Variants in PCSK5 observed in about 807,000 individuals in gnomAD.
PCSK5 encodes the protein prohormone convertase 5.
PCSK5 carries 129 observed loss-of-function variants against 233.2 expected under a neutral mutation model. The observed-to-expected ratio is 0.55, with a 90% CI of 0.48 to 0.64. The LOEUF is 0.64. PCSK5 is among the 30% of genes least tolerant of loss of function. The pLI, the probability that PCSK5 is intolerant of heterozygous loss-of-function variation, is 0.00. For synonymous variants in PCSK5, 825 were observed against 879.2 expected (o/e 0.94, Z 1.09); for missense variants, 2,076 against 2,430.1 (o/e 0.85, Z 3.06).
At chr9:76,285,250 C>A (rs1828027824) in intron 24 of PCSK5, among the ~76,000 whole-genome samples, 1 of 152,084 alleles carries the variant, frequency 6.6e-6, no homozygotes, top group African/African-American at 2.4e-5. Context: ...GATGAGTAGA[C>A]CAGAGAAGGT....
chr9:76,244,563 GTT>G lies in PCSK5; in HGVS notation c.3142+3896_3142+3897del, dbSNP rs3077122. Among the ~76,000 whole-genome samples, 43 of 66,744 alleles carry G rather than the reference GTT, an allele frequency of 6.4e-4. No homozygotes were observed. In the South Asian group the frequency reaches 0.014, roughly 22 times the overall value. 43.8% of individuals were successfully genotyped at this position (66,744 alleles called of 152,430 possible). A position where few individuals can be genotyped will look rare whatever the true frequency, so the allele number is the denominator to read the frequency against. On this transcript the variant is annotated intron_variant, in intron 24 of 37. Transcript: ENST00000674117. ...ATAATTAGCTGTTGAAAATCCTGGG[GTT>G]TTTTTTTTTTTTTTTTAGCTTTGTA...
In PCSK5 at chr9:76,134,127, A is replaced by G. The variant is rs1238446623; in HGVS notation, c.1227A>G (p.Arg409=). ...TCCCCAGTCCGTTTCTGACCTGGAGAGACGTACAGCATGTTATTGTCAGGA... is the reference window on the plus strand; with the variant it reads ...TCCCCAGTCCGTTTCTGACCTGGAGGGACGTACAGCATGTTATTGTCAGGA... ...ALEANPFLTW[R]DVQHVIVRTS... is the part of the protein sequence containing the mutation. The change falls in exon 10 of 38, where the codon AGA becomes AGG. Residue 409 remains arginine (R), a synonymous_variant. Transcript: ENST00000674117. 6.2e-7 allele frequency: 1 copy of G among 1,600,828 alleles called. No homozygotes were observed. The highest frequency in any genetic ancestry group is 8.5e-7 in the Non-Finnish European group (1 of 1,173,286).
intron 20 of PCSK5, among the ~76,000 whole-genome samples, chr9:76,207,023 T>TC: frequency 6.6e-6 from 1 of 152,056 alleles, no homozygotes; most frequent in East Asian, 1.9e-4. Flanking sequence ...CATGACCCCT[T>TC]CCTCCATCTT....
At chr9:76,277,943 G>A (rs537379093) in intron 24 of PCSK5, among the ~76,000 whole-genome samples, 49 of 152,286 alleles carry the variant, frequency 3.2e-4, no homozygotes, top group East Asian at 1.2e-3. Context: ...TTTGTACAGC[G>A]TTGCTCAGTA....
intron 7 of PCSK5, among the ~76,000 whole-genome samples, chr9:76,090,959 C>T (rs116256957): frequency 0.02 from 2,496 of 125,290 alleles, 78 homozygotes; most frequent in African/African-American, 0.071. Context: ...CCCTCGCATG[C>T]GTAGGTCATA....
rs60451634 is a variant in PCSK5, at chr9:76,323,932, A to ATTTTTTTTTTTTTTTTTTTTTTTTTT, written c.4339+660_4339+661insTTTTTTTTTTTTTTTTTTTTTTTTTT. ...TGCCTCTTGTCTCCCTTCCTGGGTGATTTTTTTTTTTTTTTTGAGACAGAG... is the reference window on the plus strand; with the variant it reads ...TGCCTCTTGTCTCCCTTCCTGGGTGATTTTTTTTTTTTTTTTTTTTTTTTTTTTTTTTTTTTTTTTTTGAGACAGAG... On this transcript the variant is annotated intron_variant, in intron 32 of 37. Coordinates refer to ENST00000674117, the MANE Select transcript of PCSK5 (RefSeq NM_001372043.1). Among the ~76,000 whole-genome samples, 2 of 139,406 alleles carry ATTTTTTTTTTTTTTTTTTTTTTTTTT rather than the reference A, an allele frequency of 1.4e-5. 1 individual carries two copies. The allele number at this position is 139,406 out of a possible 152,430, so 91.5% of individuals were successfully genotyped here.
intron 30 of PCSK5, among the ~76,000 whole-genome samples, chr9:76,321,094 G>A (rs994291444): frequency 2.0e-5 from 3 of 147,384 alleles, no homozygotes; most frequent in East Asian, 1.9e-4. Context: ...GATTACAAGC[G>A]TGAGCCACCA....
rs763158004 is a variant in PCSK5, at chr9:76,358,840, G to A, written c.5582G>A (p.Arg1861Gln). ...ATGGGCCAGGATGGCACAGTCTACCGGAAATTTAAATATGGGCTGCTGGAT... is the reference window on the plus strand; with the variant it reads ...ATGGGCCAGGATGGCACAGTCTACCAGAAATTTAAATATGGGCTGCTGGAT... The part of the protein sequence containing the change: ...VYMGQDGTVY[R>Q]KFKYGLLDDD... Residue 1861 changes from arginine to glutamine, a missense_variant, in exon 38 of 38, where the codon CGG (arginine) becomes CAG (glutamine). Physicochemically the swap from Arg to Gln is conservative, Grantham distance 43 (BLOSUM62 1). This residue lies in a region of PCSK5 where 1,510 missense variants were observed against 1,538.1 expected (regional missense o/e 0.98). Transcript: ENST00000674117. The A allele has an allele frequency of 1.9e-5, 30 of 1,612,696 alleles. No homozygotes were observed. The highest frequency in any genetic ancestry group is 1.6e-4 in the Middle Eastern group (1 of 6,084).
chr9:76,253,835 A>C (rs2131348631), intron 24 of PCSK5, among the ~76,000 whole-genome samples: 1 of 152,310 alleles, frequency 6.6e-6, no homozygotes, highest in East Asian at 1.9e-4. Flanking sequence ...GTTTGGAGCA[A>C]CCTTGTGCAT....
chr9:76,016,988 G>T (rs1827974082), intron 3 of PCSK5, among the ~76,000 whole-genome samples: 1 of 152,068 alleles, frequency 6.6e-6, no homozygotes, highest in South Asian at 2.1e-4. Context: ...ATTATGTCTG[G>T]CACTCTTAAC....
At chr9:76,343,163 G>T (rs1587356380) in intron 35 of PCSK5, among the ~76,000 whole-genome samples, 1 of 92,018 alleles carries the variant, frequency 1.1e-5, no homozygotes, top group African/African-American at 4.0e-5. Context: ...CCTTAGGATA[G>T]AATTTTTTTT....
At chr9:76,317,002 G>T (rs1240546465) in intron 30 of PCSK5, among the ~76,000 whole-genome samples, 1 of 152,034 alleles carries the variant, frequency 6.6e-6, no homozygotes, top group African/African-American at 2.4e-5. Flanking sequence ...CTTTTATCTG[G>T]ATGCTATTTC....
Position 76,261,212 on chromosome 9 carries a change from G to A in PCSK5, c.3142+20528G>A, listed in dbSNP as rs140828359. On this transcript the variant is annotated intron_variant, in intron 24 of 37. Coordinates refer to ENST00000674117, the MANE Select transcript of PCSK5 (RefSeq NM_001372043.1). ...AGAAAGGCACATGACCCATGTAGTA[G>A]TTTGGCTGCAGATGCTAAACTTGAG... Among the ~76,000 whole-genome samples the A allele has an allele frequency of 1.2e-3, 181 of 152,312 alleles. 1 individual carries two copies. Among genetic ancestry groups the A allele is most frequent in the Middle Eastern group, 0.01 (3 of 294 alleles).
At chr9:75,964,456 C>A (rs991779509) in intron 2 of PCSK5, among the ~76,000 whole-genome samples, 1 of 152,084 alleles carries the variant, frequency 6.6e-6, no homozygotes, top group African/African-American at 2.4e-5. Context: ...TTTAACCACA[C>A]CTTGAGATAA....
chr9:76,293,276 G>A (rs1158083425), intron 25 of PCSK5, among the ~76,000 whole-genome samples: 3 of 152,206 alleles, frequency 2.0e-5, no homozygotes, highest in Non-Finnish European at 2.9e-5. Context: ...GGAGTGTGGA[G>A]GATGGGAGAG....
intron 7 of PCSK5, among the ~76,000 whole-genome samples, chr9:76,075,633 T>C (rs1452586133): frequency 6.6e-6 from 1 of 152,200 alleles, no homozygotes; most frequent in Non-Finnish European, 1.5e-5. Context: ...GAATAAAAAC[T>C]TAATACAATA....
intron 7 of PCSK5, among the ~76,000 whole-genome samples, chr9:76,087,303 AT>A (rs966180187): frequency 6.6e-6 from 1 of 152,236 alleles, no homozygotes; most frequent in African/African-American, 2.4e-5. Flanking sequence ...GATATGGTGG[AT>A]AAGTAACTCA....
chr9:75,959,998 C>T (rs1302497247), intron 2 of PCSK5, among the ~76,000 whole-genome samples: 1 of 152,162 alleles, frequency 6.6e-6, no homozygotes, highest in Non-Finnish European at 1.5e-5. Flanking sequence ...ATTTTGGACA[C>T]TAGTTTGTGG....
intron 9 of PCSK5, among the ~76,000 whole-genome samples, chr9:76,114,748 A>G (rs939399287): frequency 6.6e-6 from 1 of 152,190 alleles, no homozygotes; most frequent in Non-Finnish European, 1.5e-5. Context: ...TACTATAATA[A>G]TAAAGATTGC....
Sources: gnomAD v4.1 joint callset for allele counts (sites outside exome capture counted in the v4.1 genomes callset) on GRCh38, gnomAD v4.1.1 for gene constraint, gnomAD v4.1.1 regional missense constraint, MANE v1.5 for transcripts, NCBI Gene and HGNC (gene_info 2026-07-23, HGNC 2026-07-21) for gene names.